Variants in YY1 observed in about 807,000 individuals in gnomAD.
The protein encoded by YY1 is transcriptional repressor protein YY1.
In YY1, 2 loss-of-function variants were observed where a neutral mutation model predicts 35.6. The observed-to-expected ratio is 0.06, with a 90% CI of 0.02 to 0.18. The LOEUF is 0.18. YY1 is among the 10% of genes least tolerant of loss of function. The probability of loss-of-function intolerance (pLI) is 1.00; values close to 1 mark genes in which losing one functional copy is unlikely to be tolerated. For synonymous variants in YY1, 268 were observed against 238.9 expected (o/e 1.12, Z -1.12); for missense variants, 322 against 573.4 (o/e 0.56, Z 4.48).
chr14:100,256,898 G>A (rs1053331297), intron 1 of YY1, among the ~76,000 whole-genome samples: 1 of 151,108 alleles, frequency 6.6e-6, no homozygotes, highest in African/African-American at 2.4e-5. Context: ...TGGAAATATA[G>A]AGGTTGGATT....
At chr14:100,270,158 G>A (rs924907356) in intron 2 of YY1, among the ~76,000 whole-genome samples, 6 of 148,790 alleles carry the variant, frequency 4.0e-5, no homozygotes, top group Non-Finnish European at 8.9e-5. Context: ...AGCTACTCAG[G>A]AGGCTGAGGC....
At chr14:100,252,266 G>A (rs1376682880) in intron 1 of YY1, among the ~76,000 whole-genome samples, 1 of 152,116 alleles carries the variant, frequency 6.6e-6, no homozygotes, top group Non-Finnish European at 1.5e-5. Flanking sequence ...CTTATGCTTT[G>A]CTCCTCAAAC....
intron 2 of YY1, chr14:100,263,816 TC>T (rs1438786678): frequency 6.6e-6 from 1 of 152,148 alleles, no homozygotes; most frequent in Non-Finnish European, 1.5e-5. Flanking sequence ...GGTGGGCAGT[TC>T]CTGCCACCTG....
chr14:100,255,988 T>G (rs1341213263), intron 1 of YY1, among the ~76,000 whole-genome samples: 13 of 152,320 alleles, frequency 8.5e-5, no homozygotes, highest in Admixed American at 8.5e-4. Flanking sequence ...CAATGCAGTC[T>G]GAGTCAGGCA....
At chr14:100,244,675 C>T (rs9671768) in intron 1 of YY1, among the ~76,000 whole-genome samples, 83,008 of 149,652 alleles carry the variant, frequency 0.55, 23,263 homozygotes, top group South Asian at 0.8. Flanking sequence ...CTCAACCTCC[C>T]GGGCTGAAGC....
chr14:100,246,435 T>C (rs923981804), intron 1 of YY1, among the ~76,000 whole-genome samples: 2 of 152,178 alleles, frequency 1.3e-5, no homozygotes, highest in Non-Finnish European at 2.9e-5. Flanking sequence ...GGCCTCATGC[T>C]CCGGGTAGAG....
At position 100,254,775 on chromosome 14, in the gene YY1, AT is replaced by A. The variant is rs1196714660; in HGVS notation, c.680-7514del. Among the ~76,000 whole-genome samples, 628 of 144,416 alleles carry A rather than the reference AT, an allele frequency of 4.3e-3. 6 individuals are homozygous for A. Among genetic ancestry groups the A allele is most frequent in the African/African-American group, 0.014 (516 of 38,024 alleles). 94.7% of individuals were successfully genotyped at this position (144,416 alleles called of 152,430 possible). ...CCTAGCCTATTTTATTTATTTATTT[AT>A]TTTTTTTTTTTTTTGAGTCGAAGTC... On this transcript the variant is annotated intron_variant, in intron 1 of 4. Transcript: ENST00000262238.
intron 1 of YY1, among the ~76,000 whole-genome samples, chr14:100,244,045 T>G (rs1224698578): frequency 2.6e-5 from 4 of 151,506 alleles, no homozygotes; most frequent in Admixed American, 2.6e-4. Flanking sequence ...GAGGCGGAGC[T>G]TGCCGTGAGC....
chr14:100,248,837 A>G (rs1250439709), intron 1 of YY1, among the ~76,000 whole-genome samples: 1 of 151,406 alleles, frequency 6.6e-6, no homozygotes, highest in African/African-American at 2.4e-5. Flanking sequence ...ACAGGCGCCC[A>G]CCACCATACC....
chr14:100,251,986 G>A (rs1452683888), intron 1 of YY1, among the ~76,000 whole-genome samples: 1 of 152,194 alleles, frequency 6.6e-6, no homozygotes, highest in Admixed American at 6.5e-5. Flanking sequence ...GGAGTGACAG[G>A]AATGAATGGC....
At chr14:100,259,591 G>C (rs1397167054) in intron 1 of YY1, among the ~76,000 whole-genome samples, 1 of 152,012 alleles carries the variant, frequency 6.6e-6, no homozygotes, top group Non-Finnish European at 1.5e-5. Context: ...AATAATCTAG[G>C]AGCTCAAAGA....
At chr14:100,251,956 C>A (rs1006281753) in intron 1 of YY1, among the ~76,000 whole-genome samples, 1 of 151,938 alleles carries the variant, frequency 6.6e-6, no homozygotes, top group East Asian at 1.9e-4. Context: ...GGAAACCAGG[C>A]GAGGTTAAGA....
intron 1 of YY1, among the ~76,000 whole-genome samples, chr14:100,261,213 A>C (rs1891082431): frequency 6.6e-6 from 1 of 151,972 alleles, no homozygotes; most frequent in South Asian, 2.1e-4. Flanking sequence ...TTTTTGAGAC[A>C]GACTCTCACT....
chr14:100,264,884 G>C (rs1267401204), intron 2 of YY1, among the ~76,000 whole-genome samples: 2 of 152,148 alleles, frequency 1.3e-5, no homozygotes, highest in African/African-American at 4.8e-5. Flanking sequence ...AGCTGAGGTG[G>C]GATCGCTTGA....
At chr14:100,246,359 T>C (rs1181755885) in intron 1 of YY1, among the ~76,000 whole-genome samples, 1 of 152,224 alleles carries the variant, frequency 6.6e-6, no homozygotes. Flanking sequence ...CTCAAAGTGC[T>C]GGCAGCTGAG....
chr14:100,260,771 C>CTTTTTTTTTTTTTTTTTTTTT (rs71113254), intron 1 of YY1, among the ~76,000 whole-genome samples: 2 of 42,568 alleles, frequency 4.7e-5, no homozygotes, highest in Non-Finnish European at 8.7e-5. Context: ...GTGCCTGGTC[C>CTTTTTTTTTTTTTTTTTTTTT]TTTTTTTTTT....
intron 1 of YY1, among the ~76,000 whole-genome samples, chr14:100,249,760 GTTTGTTTTTGTT>G (rs1555369515): frequency 7.0e-6 from 1 of 143,012 alleles, no homozygotes; most frequent in Non-Finnish European, 1.5e-5. Flanking sequence ...TTTTTTTTTT[GTTTGTTTTTGTT>G]TTTGTTTTTG....
chr14:100,241,683 T>TC (rs1890744971), intron 1 of YY1, among the ~76,000 whole-genome samples: 1 of 152,130 alleles, frequency 6.6e-6, no homozygotes, highest in Non-Finnish European at 1.5e-5. Context: ...GAACTAAAAG[T>TC]CATGGTTTTG....
At chr14:100,248,679 C>CTTTTTTT (rs11415073) in intron 1 of YY1, among the ~76,000 whole-genome samples, 30 of 105,008 alleles carry the variant, frequency 2.9e-4, no homozygotes, top group African/African-American at 9.5e-4. Context: ...GAGTAAAATT[C>CTTTTTTT]TTTTTTTTTT....
Sources: gnomAD v4.1 joint callset for allele counts (sites outside exome capture counted in the v4.1 genomes callset) on GRCh38, gnomAD v4.1.1 for gene constraint, MANE v1.5 for transcripts, NCBI Gene and HGNC (gene_info 2026-07-23, HGNC 2026-07-21) for gene names.